KBTBD12: variants seen among roughly 807,000 people sequenced by gnomAD.
KBTBD12 encodes kelch repeat and BTB domain-containing protein 12.
In KBTBD12, 53 loss-of-function variants were observed where a neutral mutation model predicts 58.7. The ratio of observed to expected loss-of-function variants is 0.90; its 90% confidence interval spans 0.72 to 1.14. KBTBD12 has a LOEUF of 1.14. Among genes scored for constraint, KBTBD12 ranks in the 50% most tolerant of loss-of-function variants. The probability of loss-of-function intolerance (pLI) is 0.00; values close to 1 mark genes in which losing one functional copy is unlikely to be tolerated. For synonymous variants in KBTBD12, 236 were observed against 259.8 expected (o/e 0.91, Z 0.88); for missense variants, 704 against 751.3 (o/e 0.94, Z 0.74).
At chr3:127,976,341 C>T (rs77453966) in intron 5 of KBTBD12, among the ~76,000 whole-genome samples, 4 of 152,186 alleles carry the variant, frequency 2.6e-5, no homozygotes, top group Non-Finnish European at 5.9e-5. Context: ...CATGTCTTCT[C>T]AGTTTTCTTA....
In KBTBD12 at chr3:127,985,552, T is replaced by A. The variant is rs73207403; in HGVS notation, c.*1274T>A. ...AGTAAATTCAGAGGGAGACAAACCC[T>A]AAGTAGAGACAGCTTTCTTTGGTGC... On this transcript the variant is annotated 3_prime_UTR_variant, in exon 6 of 6. Coordinates refer to ENST00000405109, the MANE Select transcript of KBTBD12 (RefSeq NM_207335.4). 6,520 of 152,354 alleles carry A rather than the reference T, an allele frequency of 0.043. 201 individuals carry two copies. The highest frequency in any genetic ancestry group is 0.098 in the East Asian group (509 of 5,174). 9.4% of individuals were successfully genotyped at this position (152,354 alleles called of 1,614,324 possible).
At position 127,984,298 on chromosome 3, in the gene KBTBD12, C is replaced by A; in HGVS notation, c.*20C>A. 1 of 1,607,586 alleles carries A rather than the reference C, an allele frequency of 6.2e-7. No homozygotes were observed. Among genetic ancestry groups the A allele is most frequent in the South Asian group, 1.1e-5 (1 of 90,144 alleles). On this transcript the variant is annotated 3_prime_UTR_variant, in exon 6 of 6. Transcript: ENST00000405109. ...CACTAAGGTGACCTTGCTGGAGGACCTCCTGCTGTTCTGCAAACAAGGCCT... is the reference window on the plus strand; with the variant it reads ...CACTAAGGTGACCTTGCTGGAGGACATCCTGCTGTTCTGCAAACAAGGCCT...
chr3:127,975,684 G>A (rs1191936058), intron 5 of KBTBD12, among the ~76,000 whole-genome samples: 1 of 152,132 alleles, frequency 6.6e-6, no homozygotes, highest in South Asian at 2.1e-4. Flanking sequence ...GATCCCTAAA[G>A]TTTTATATGT....
At position 127,960,890 on chromosome 3, in the gene KBTBD12, A is replaced by T. The variant is rs564375717; in HGVS notation, c.1493-2299A>T. Among the ~76,000 whole-genome samples, 5 of 152,376 alleles carry T rather than the reference A, an allele frequency of 3.3e-5. No individual in the cohort carries two copies. In the South Asian group the frequency reaches 6.2e-4, roughly 19 times the overall value. ...GTAACAGAGCATCAAAAGTGACAAC[A>T]CTAATTATTGCAAAAATCAAGAGAA... On this transcript the variant is annotated intron_variant, in intron 4 of 5. Transcript: ENST00000405109.
chr3:127,951,703 G>C (rs1940207987), intron 4 of KBTBD12, among the ~76,000 whole-genome samples: 1 of 152,112 alleles, frequency 6.6e-6, no homozygotes, highest in Non-Finnish European at 1.5e-5. Context: ...ATCAGGGATT[G>C]TCCCAATATT....
chr3:127,978,866 A>G (rs1405938387), intron 5 of KBTBD12, among the ~76,000 whole-genome samples: 1 of 152,264 alleles, frequency 6.6e-6, no homozygotes, highest in Non-Finnish European at 1.5e-5. Flanking sequence ...CCAGAAGGCC[A>G]GGAAGGGGCA....
chr3:127,918,628 C>G (rs1375491756), intron 1 of KBTBD12, among the ~76,000 whole-genome samples: 1 of 151,594 alleles, frequency 6.6e-6, no homozygotes, highest in East Asian at 1.9e-4. Context: ...AGGAGAATGC[C>G]GTGAACCCAG....
chr3:127,970,979 A>T (rs911114340), intron 5 of KBTBD12, among the ~76,000 whole-genome samples: 2 of 152,220 alleles, frequency 1.3e-5, no homozygotes, highest in African/African-American at 2.4e-5. Context: ...AAAGTGAAAA[A>T]GTCAGAACTC....
At position 127,984,621 on chromosome 3, in the gene KBTBD12, A is replaced by G. The variant is rs1007593927; in HGVS notation, c.*343A>G. 1 of 184,618 alleles carries G rather than the reference A, an allele frequency of 5.4e-6. No individual in the cohort carries two copies. The highest frequency in any genetic ancestry group is 1.1e-5 in the Non-Finnish European group (1 of 89,056). 11.4% of individuals were successfully genotyped at this position (184,618 alleles called of 1,614,324 possible). On this transcript the variant is annotated 3_prime_UTR_variant, in exon 6 of 6. Transcript: ENST00000405109. The stretch of plus-strand genomic sequence containing the variant: ...CTTTTATTGGGTCCCCAAAAGGATG[A>G]GGAGGAAGTGGTCCCATGGGTGCAG...
intron 4 of KBTBD12, among the ~76,000 whole-genome samples, chr3:127,951,545 C>G (rs1425056291): frequency 6.6e-6 from 1 of 152,144 alleles, no homozygotes; most frequent in Non-Finnish European, 1.5e-5. Flanking sequence ...GTCACTGAAG[C>G]AAGTTGTCAT....
At chr3:127,933,277 C>T (rs1393015539) in intron 4 of KBTBD12, among the ~76,000 whole-genome samples, 1 of 152,136 alleles carries the variant, frequency 6.6e-6, no homozygotes, top group African/African-American at 2.4e-5. Context: ...CCAGCTCATT[C>T]AACATGGTAA....
At position 127,922,957 on chromosome 3, in the gene KBTBD12, T is replaced by A; in HGVS notation, c.-105T>A. ...CTTTTTTCTTTCCCTTAGAAATGTT[T>A]CCTGACATCTTTGTAGCTTCATGAG... On this transcript the variant is annotated 5_prime_UTR_variant, in exon 2 of 6. Coordinates refer to ENST00000405109, the MANE Select transcript of KBTBD12 (RefSeq NM_207335.4). 1 of 672,856 alleles carries A rather than the reference T, an allele frequency of 1.5e-6. No individual in the cohort carries two copies. Among genetic ancestry groups the A allele is most frequent in the Non-Finnish European group, 2.5e-6 (1 of 396,956 alleles). The allele number at this position is 672,856 out of a possible 1,614,324, so 41.7% of individuals were successfully genotyped here.
intron 4 of KBTBD12, among the ~76,000 whole-genome samples, chr3:127,933,714 A>G (rs1939763088): frequency 6.6e-6 from 1 of 152,184 alleles, no homozygotes; most frequent in Non-Finnish European, 1.5e-5. Context: ...ATGCAGATCC[A>G]CCAGGAGACA....
At position 127,985,999 on chromosome 3, in the gene KBTBD12, C is replaced by G. The variant is rs928844447; in HGVS notation, c.*1721C>G. ...AGCTGCTGTGTTGGCTGTCGGCGGCCAGGGTTGAGGACGGCCTCCACAGGG... is the reference window on the plus strand; with the variant it reads ...AGCTGCTGTGTTGGCTGTCGGCGGCGAGGGTTGAGGACGGCCTCCACAGGG... On this transcript the variant is annotated 3_prime_UTR_variant, in exon 6 of 6. Transcript: ENST00000405109. 6.5e-6 allele frequency: 1 copy of G among 152,758 alleles called. No homozygotes were observed. Among genetic ancestry groups the G allele is most frequent in the African/African-American group, 2.4e-5 (1 of 41,478 alleles). The allele number at this position is 152,758 out of a possible 1,614,324, so 9.5% of individuals were successfully genotyped here.
At chr3:127,940,763 A>T (rs1205999602) in intron 4 of KBTBD12, among the ~76,000 whole-genome samples, 1 of 152,148 alleles carries the variant, frequency 6.6e-6, no homozygotes, top group Non-Finnish European at 1.5e-5. Context: ...AATCAATGAA[A>T]CCAATCTGTT....
chr3:127,965,158 T>A (rs576361217), intron 5 of KBTBD12, among the ~76,000 whole-genome samples: 7 of 152,378 alleles, frequency 4.6e-5, no homozygotes, highest in African/African-American at 1.7e-4. Context: ...TATTCACGTC[T>A]AAGGATCTAG....
rs118183625 is a variant in KBTBD12 at position 127,959,153 on chromosome 3, A to G, written c.1493-4036A>G. On this transcript the variant is annotated intron_variant, in intron 4 of 5. Coordinates refer to ENST00000405109, the MANE Select transcript of KBTBD12 (RefSeq NM_207335.4). Reference sequence around the variant, plus strand: ...TGACAACTTGTGTGAGAATGAAACAAATCATCACAAGCATTATATTAGCAG... The same window carrying G: ...TGACAACTTGTGTGAGAATGAAACAGATCATCACAAGCATTATATTAGCAG... Among the ~76,000 whole-genome samples, 68 of 152,352 alleles carry G rather than the reference A, an allele frequency of 4.5e-4. 1 individual carries two copies. In the East Asian group the frequency reaches 0.011, roughly 25 times the overall value.
At chr3:127,956,918 G>T (rs1940331547) in intron 4 of KBTBD12, among the ~76,000 whole-genome samples, 1 of 152,190 alleles carries the variant, frequency 6.6e-6, no homozygotes, top group South Asian at 2.1e-4. Context: ...AGATCATTTT[G>T]TTACTCCTGA....
chr3:127,932,560 A>G (rs1197458843), intron 4 of KBTBD12, among the ~76,000 whole-genome samples: 1 of 152,130 alleles, frequency 6.6e-6, no homozygotes, highest in African/African-American at 2.4e-5. Flanking sequence ...TAGATAGTCT[A>G]CAGGGTATCT....
Sources: allele counts gnomAD v4.1 joint callset (sites outside exome capture counted in the v4.1 genomes callset), GRCh38; gene constraint gnomAD v4.1.1; transcripts MANE v1.5; gene names NCBI Gene and HGNC (gene_info 2026-07-23, HGNC 2026-07-21).